LRBA: variants seen among roughly 807,000 people sequenced by gnomAD.
LRBA encodes LPS responsive beige-like anchor protein, also known as lipopolysaccharide-responsive and beige-like anchor protein.
A neutral mutation model predicts 330.0 loss-of-function variants in LRBA; 176 were observed. The ratio of observed to expected loss-of-function variants is 0.53; its 90% CI spans 0.47 to 0.60. LRBA has a LOEUF of 0.60. Among genes scored for constraint, LRBA ranks in the 20% least tolerant of loss-of-function variants. The pLI is 0.00. For missense variants in LRBA, 3,259 were observed against 3,444.8 expected (o/e 0.95, Z 1.35); for synonymous variants, 1,230 against 1,193.0 (o/e 1.03, Z -0.64).
intron 47 of LRBA, among the ~76,000 whole-genome samples, chr4:150,413,547 G>T (rs1302714218): frequency 2.6e-5 from 4 of 152,092 alleles, no homozygotes; most frequent in African/African-American, 9.7e-5. Context: ...ACTACATATT[G>T]TATGATTCCA....
intron 40 of LRBA, among the ~76,000 whole-genome samples, chr4:150,571,649 G>GTTTTTTTTTTTTTTT (rs58652637): frequency 1.3e-5 from 1 of 74,592 alleles, no homozygotes; most frequent in Non-Finnish European, 2.5e-5. Context: ...CTGGTTAGTT[G>GTTTTTTTTTTTTTTT]TTTTTTTTTT....
At chr4:150,827,345 A>C (rs1305333317) in intron 30 of LRBA, among the ~76,000 whole-genome samples, 1 of 152,182 alleles carries the variant, frequency 6.6e-6, no homozygotes, top group Non-Finnish European at 1.5e-5. Context: ...TAGACAAATA[A>C]AAAAGCAAAA....
At chr4:150,773,742 T>A (rs1736895163) in intron 34 of LRBA, among the ~76,000 whole-genome samples, 1 of 152,228 alleles carries the variant, frequency 6.6e-6, no homozygotes, top group Non-Finnish European at 1.5e-5. Context: ...ACACTGCCAA[T>A]TTCTGAGTAT....
chr4:150,954,899 C>G (rs1055137610), intron 2 of LRBA, among the ~76,000 whole-genome samples: 2 of 117,764 alleles, frequency 1.7e-5, no homozygotes, highest in Non-Finnish European at 3.5e-5. Flanking sequence ...GAAATCATAA[C>G]AGAAAGAAAT....
At position 150,325,941 on chromosome 4, in the gene LRBA, T is replaced by C. The variant is rs373230734; in HGVS notation, c.7363-43A>G. On this transcript the variant is annotated intron_variant, in intron 48 of 56. Transcript: ENST00000651943. ...AAGTCTGAAGGTTAAGAGGTGCTAA[T>C]TACAGGAAATAGAACCCCAACTGTC... 43 of 1,055,456 alleles carry C rather than the reference T, an allele frequency of 4.1e-5. 1 individual carries two copies. The highest frequency in any genetic ancestry group is 6.1e-5 in the Non-Finnish European group (41 of 676,816). 65.4% of individuals were successfully genotyped at this position (1,055,456 alleles called of 1,614,324 possible).
At position 150,265,508 on chromosome 4, in the gene LRBA, T is replaced by C; in HGVS notation, c.*214A>G. ...CATTATGACTAAAAATATAGATTTT[T>C]TAAAACTACAGAACCCAGCAGCCAG... On this transcript the variant is annotated 3_prime_UTR_variant, in exon 57 of 57. Coordinates refer to ENST00000651943, the MANE Select transcript of LRBA (RefSeq NM_001364905.1). The C allele has an allele frequency of 2.3e-6, 1 of 429,258 alleles. No homozygotes were observed. Among genetic ancestry groups the C allele is most frequent in the South Asian group, 3.3e-5 (1 of 29,892 alleles). 26.6% of individuals were successfully genotyped at this position (429,258 alleles called of 1,614,324 possible).
At chr4:150,275,567 G>A (rs201932353) in intron 56 of LRBA, among the ~76,000 whole-genome samples, 13,714 of 152,072 alleles carry the variant, frequency 0.09, 931 homozygotes, top group South Asian at 0.23. Flanking sequence ...TAAGCTGATA[G>A]GCAACTTCAG....
In LRBA at chr4:150,264,491, G is replaced by A. The variant is rs1745063389; in HGVS notation, c.*1231C>T. On this transcript the variant is annotated 3_prime_UTR_variant, in exon 57 of 57. Transcript: ENST00000651943. ...TTTATTAATGATGTTTAAAATTTAG[G>A]AGCAAAAAAGGCATTTCCAACAATT... 1 of 152,020 alleles carries A rather than the reference G, an allele frequency of 6.6e-6. No individual in the cohort carries two copies. The highest frequency in any genetic ancestry group is 2.4e-5 in the African/African-American group (1 of 41,398). The allele number at this position is 152,020 out of a possible 1,614,324, so 9.4% of individuals were successfully genotyped here.
At chr4:150,478,345 C>G (rs958018171) in intron 42 of LRBA, among the ~76,000 whole-genome samples, 18 of 152,168 alleles carry the variant, frequency 1.2e-4, no homozygotes, top group African/African-American at 4.3e-4. Context: ...CACACAACCC[C>G]AGCCATGGGG....
chr4:150,910,556 C>T (rs1244298292), intron 9 of LRBA, among the ~76,000 whole-genome samples: 1 of 152,108 alleles, frequency 6.6e-6, no homozygotes, highest in Non-Finnish European at 1.5e-5. Flanking sequence ...ACGTTGTTTT[C>T]ATTATGTATC....
chr4:150,829,942 A>T (rs554806852), intron 29 of LRBA, among the ~76,000 whole-genome samples: 1 of 152,240 alleles, frequency 6.6e-6, no homozygotes, highest in South Asian at 2.1e-4. Flanking sequence ...ATTTTTGACT[A>T]CCTTTTTCAT....
At chr4:150,527,835 C>T (rs565737414) in intron 40 of LRBA, among the ~76,000 whole-genome samples, 1 of 152,256 alleles carries the variant, frequency 6.6e-6, no homozygotes, top group East Asian at 1.9e-4. Context: ...GCCTTGTTCT[C>T]CAGGGACAAC....
In LRBA at chr4:150,893,089, A is replaced by G. The variant is rs1244749061; in HGVS notation, c.2128T>C (p.Ser710Pro). Residue 710 changes from serine to proline, a missense_variant, in exon 17 of 57, where the codon TCT becomes CCT. Ser to Pro is a moderately conservative substitution (Grantham distance 74). Coordinates refer to ENST00000651943, the MANE Select transcript of LRBA (RefSeq NM_001364905.1). The stretch of plus-strand genomic sequence containing the variant: ...CTTTGGTCAAAAGCAGGAATCATAG[A>G]GTTAGGGTGTTCTGACATTAATGCA... ...LVALMSEHPN[S>P]MIPAFDQRNG... 1 of 1,612,460 alleles carries G rather than the reference A, an allele frequency of 6.2e-7. No individual in the cohort carries two copies.
intron 44 of LRBA, among the ~76,000 whole-genome samples, chr4:150,445,344 CCTCTCTCT>C (rs1317931739): frequency 5.1e-5 from 3 of 59,230 alleles, no homozygotes; most frequent in Non-Finnish European, 9.4e-5. Flanking sequence ...TTTCGGAAAA[CCTCTCTCT>C]CTCTCTCTCT....
chr4:150,733,253 T>G (rs1730719924), intron 36 of LRBA, among the ~76,000 whole-genome samples: 1 of 151,956 alleles, frequency 6.6e-6, no homozygotes, highest in Admixed American at 6.6e-5. Flanking sequence ...AAAATACAAG[T>G]AATGTTGGTA....
chr4:150,814,808 C>A (rs1054310413), intron 31 of LRBA, among the ~76,000 whole-genome samples: 17 of 151,682 alleles, frequency 1.1e-4, no homozygotes, highest in Admixed American at 8.5e-4. Context: ...GTAGATTTTG[C>A]CAATAAATGT....
At chr4:150,310,620 T>C (rs1295628831) in intron 51 of LRBA, 1 of 392,442 alleles carries the variant, frequency 2.5e-6, no homozygotes, top group Admixed American at 4.1e-5. Flanking sequence ...CACACTACTA[T>C]TTAAAAATAG....
intron 2 of LRBA, among the ~76,000 whole-genome samples, chr4:150,969,018 TG>T (rs2149582208): frequency 6.6e-6 from 1 of 152,326 alleles, no homozygotes; most frequent in East Asian, 1.9e-4. Context: ...ACTGCATATC[TG>T]TTCACAGCAC....
chr4:150,379,388 A>G (rs1741861753), intron 47 of LRBA, among the ~76,000 whole-genome samples: 1 of 151,378 alleles, frequency 6.6e-6, no homozygotes, highest in South Asian at 2.1e-4. Context: ...AAATATCACC[A>G]GCAGATACAA....
Sources: allele counts gnomAD v4.1 joint callset (sites outside exome capture counted in the v4.1 genomes callset), GRCh38; gene constraint gnomAD v4.1.1; transcripts MANE v1.5; gene names NCBI Gene and HGNC (gene_info 2026-07-23, HGNC 2026-07-21).